EDAR: variants seen among roughly 807,000 people sequenced by gnomAD.
EDAR encodes the protein tumor necrosis factor receptor superfamily member EDAR.
In EDAR, 38 loss-of-function variants were observed where a neutral mutation model predicts 51.3. The ratio of observed to expected loss-of-function variants is 0.74; its 90% CI spans 0.57 to 0.97. The LOEUF (loss-of-function observed/expected upper bound fraction) is 0.97, where lower values mean the gene tolerates loss of function less well. Ranked by LOEUF, EDAR falls within the 50% of genes least tolerant of loss-of-function variation. The probability of loss-of-function intolerance (pLI) is 0.00; values close to 1 mark genes in which losing one functional copy is unlikely to be tolerated. For synonymous variants in EDAR, 227 were observed against 242.1 expected (o/e 0.94, Z 0.58); for missense variants, 528 against 595.0 (o/e 0.89, Z 1.17).
At chr2:108,941,172 C>T (rs1043644849) in intron 1 of EDAR, among the ~76,000 whole-genome samples, 1 of 152,196 alleles carries the variant, frequency 6.6e-6, no homozygotes, top group African/African-American at 2.4e-5. Flanking sequence ...GGACTTTAGT[C>T]CTTTTTATTG....
At chr2:108,945,959 T>G (rs1697707117) in intron 1 of EDAR, among the ~76,000 whole-genome samples, 1 of 152,174 alleles carries the variant, frequency 6.6e-6, no homozygotes, top group South Asian at 2.1e-4. Flanking sequence ...TGACCCTTCC[T>G]CAAAATAAAA....
chr2:108,937,702 AGTGTATGTGT>A (rs1183031050), intron 1 of EDAR, among the ~76,000 whole-genome samples: 2 of 148,508 alleles, frequency 1.3e-5, no homozygotes, highest in Non-Finnish European at 1.5e-5. Flanking sequence ...TATGTGTGTG[AGTGTATGTGT>A]GTGTATGTGT....
intron 1 of EDAR, among the ~76,000 whole-genome samples, chr2:108,961,419 A>T (rs527248136): frequency 6.6e-6 from 1 of 152,262 alleles, no homozygotes; most frequent in Non-Finnish European, 1.5e-5. Flanking sequence ...AGGAGCCAGC[A>T]TTGGAGCACA....
In EDAR at chr2:108,912,540, T is replaced by A. The variant is rs1028043455; in HGVS notation, c.529+138A>T. 6.3e-6 allele frequency: 5 copies of A among 798,638 alleles called. No individual in the cohort carries two copies. In the Admixed American group the frequency reaches 8.0e-5, roughly 13 times the overall value. The allele number at this position is 798,638 out of a possible 1,614,324, so 49.5% of individuals were successfully genotyped here. On this transcript the variant is annotated intron_variant, in intron 6 of 11. Coordinates refer to ENST00000258443, the MANE Select transcript of EDAR (RefSeq NM_022336.4). ...TTCCTGCACGGGGGGCAACATGTCA[T>A]TCAATTACATTAGGGAGGTGAGGCC...
intron 5 of EDAR, among the ~76,000 whole-genome samples, chr2:108,919,127 T>C (rs1697082475): frequency 6.6e-6 from 1 of 152,086 alleles, no homozygotes; most frequent in Non-Finnish European, 1.5e-5. Context: ...TGAGCGCCGG[T>C]GTCTGGGAGG....
Position 108,896,721 on chromosome 2 carries a change from A to C in EDAR, c.*186T>G. On this transcript the variant is annotated 3_prime_UTR_variant, in exon 12 of 12. Transcript: ENST00000258443. ...GAGCATCTGAAAGTATCCCGGCTCT[A>C]GTCCTTTATCTTTGGTTAAATTGGA... The C allele has an allele frequency of 1.6e-6, 1 of 621,548 alleles. No homozygotes were observed. The highest frequency in any genetic ancestry group is 2.8e-5 in the East Asian group (1 of 36,284). 38.5% of individuals were successfully genotyped at this position (621,548 alleles called of 1,614,324 possible). A position where few individuals can be genotyped will look rare whatever the true frequency, so the allele number is the denominator to read the frequency against.
chr2:108,905,502 A>G (rs1285247545), intron 11 of EDAR, among the ~76,000 whole-genome samples: 1 of 77,664 alleles, frequency 1.3e-5, no homozygotes, highest in African/African-American at 5.2e-5. Flanking sequence ...GCCAGGGCAC[A>G]GGGGGCTGCA....
intron 1 of EDAR, among the ~76,000 whole-genome samples, chr2:108,932,840 G>T (rs181959083): frequency 1.5e-4 from 23 of 152,160 alleles, no homozygotes; most frequent in Non-Finnish European, 2.4e-4. Flanking sequence ...CTTCCCATCC[G>T]AGGCAGACAA....
chr2:108,921,641 G>A (rs1293750628), intron 5 of EDAR, among the ~76,000 whole-genome samples: 11 of 152,190 alleles, frequency 7.2e-5, no homozygotes, highest in African/African-American at 1.9e-4. Context: ...TAGCTCCGAC[G>A]TTTTTGCTGA....
rs754345329 is a variant in EDAR, at chr2:108,896,881, G to C, written c.*26C>G. 12 of 1,600,572 alleles carry C rather than the reference G, an allele frequency of 7.5e-6. No individual in the cohort carries two copies. The highest frequency in any genetic ancestry group is 1.0e-5 in the Non-Finnish European group (12 of 1,173,170). On this transcript the variant is annotated 3_prime_UTR_variant, in exon 12 of 12. Transcript: ENST00000258443. ...CCTCGTTGGCTCCTTGGCTTGTCCT[G>C]GGAGGACAGCCCACAGGCATGCTTT...
chr2:108,932,751 C>G (rs1368471602), intron 1 of EDAR, among the ~76,000 whole-genome samples: 1 of 152,070 alleles, frequency 6.6e-6, no homozygotes, highest in Non-Finnish European at 1.5e-5. Context: ...AGGAGATGCA[C>G]CCAATGCCAA....
intron 1 of EDAR, among the ~76,000 whole-genome samples, chr2:108,939,060 G>T (rs1044181400): frequency 6.6e-6 from 1 of 152,036 alleles, no homozygotes; most frequent in Non-Finnish European, 1.5e-5. Context: ...TTACAGGCAT[G>T]AGCCACCGTG....
chr2:108,979,010 A>G lies in EDAR; in HGVS notation c.-19+9950T>C, dbSNP rs1253982673. Among the ~76,000 whole-genome samples, 5 of 152,232 alleles carry G rather than the reference A, an allele frequency of 3.3e-5. No homozygotes were observed. In the East Asian group the frequency reaches 9.6e-4, roughly 29 times the overall value. ...GGGGTGTAGTGTGTGAAGTACAGAC[A>G]TTCCATTTCCAATTAGGCATCTACT... On this transcript the variant is annotated intron_variant, in intron 1 of 11. Transcript: ENST00000258443.
intron 9 of EDAR, 42 bp from the exon 10 acceptor site, chr2:108,908,061 G>C (rs142724949): frequency 1.9e-5 from 30 of 1,567,346 alleles, no homozygotes; most frequent in South Asian, 2.4e-5. Flanking sequence ...TGCCTGGGGG[G>C]GCTGCAGCCC....
At chr2:108,976,854 G>A (rs140553179) in intron 1 of EDAR, among the ~76,000 whole-genome samples, 4 of 151,840 alleles carry the variant, frequency 2.6e-5, no homozygotes, top group Non-Finnish European at 5.9e-5. Context: ...GGCACTACAA[G>A]GTGCTCCAGG....
intron 9 of EDAR, 78 bp downstream of exon 9, chr2:108,910,382 G>T: frequency 8.3e-7 from 1 of 1,201,588 alleles, no homozygotes; most frequent in Non-Finnish European, 1.2e-6. Context: ...CAGTTCACTC[G>T]GCTGCACCCT....
chr2:108,930,096 G>T (rs755966046), intron 3 of EDAR, 24 bp downstream of exon 3: 1 of 1,607,424 alleles, frequency 6.2e-7, no homozygotes, highest in Non-Finnish European at 8.5e-7. Flanking sequence ...AGCGCACCAG[G>T]CTCCAGGAGG....
chr2:108,929,835 A>G (rs1434092899), intron 3 of EDAR, among the ~76,000 whole-genome samples: 1 of 152,230 alleles, frequency 6.6e-6, no homozygotes, highest in East Asian at 1.9e-4. Context: ...CCTGCTTCCA[A>G]TCAGATGATC....
At chr2:108,913,829 A>G (rs1038865322) in intron 5 of EDAR, among the ~76,000 whole-genome samples, 2 of 151,540 alleles carry the variant, frequency 1.3e-5, no homozygotes, top group Non-Finnish European at 2.9e-5. Context: ...AGGCGCCTGT[A>G]GTCCCAGCTA....
Sources: gnomAD v4.1 joint callset for allele counts (sites outside exome capture counted in the v4.1 genomes callset) on GRCh38, gnomAD v4.1.1 for gene constraint, MANE v1.5 for transcripts, NCBI Gene and HGNC (gene_info 2026-07-23, HGNC 2026-07-21) for gene names.